DAPK2: variants seen among roughly 807,000 people sequenced by gnomAD.
DAPK2 encodes the protein death-associated protein kinase 2.
DAPK2 carries 35 observed loss-of-function variants against 44.1 expected under a neutral mutation model. That is an observed-to-expected ratio of 0.79 (90% CI 0.61 to 1.05). DAPK2 has a LOEUF of 1.05. Among genes scored for constraint, DAPK2 ranks in the 50% least tolerant of loss-of-function variants. The pLI, the probability that DAPK2 is intolerant of heterozygous loss-of-function variation, is 0.00. For synonymous variants in DAPK2, 174 were observed against 182.6 expected, an observed-to-expected ratio of 0.95 and a Z score of 0.38; for missense variants, 453 against 483.2, an observed-to-expected ratio of 0.94 and a Z score of 0.59.
At chr15:63,968,619 T>C (rs1410973407) in intron 3 of DAPK2, among the ~76,000 whole-genome samples, 1 of 152,234 alleles carries the variant, frequency 6.6e-6, no homozygotes, top group African/African-American at 2.4e-5. Flanking sequence ...CAGCTACTAT[T>C]ACCGAGCACC....
In DAPK2 at chr15:63,930,341, G is replaced by A. The variant is rs898329404; in HGVS notation, c.632+66C>T. ...CATGGTTAAGCGGATGTCACCTGGA[G>A]CAGGATCTGAGGCCTTCCGCCCTTG... On this transcript the variant is annotated intron_variant, in intron 5 of 10. Coordinates refer to ENST00000261891, the Ensembl canonical transcript of DAPK2. 3.4e-6 allele frequency: 5 copies of A among 1,455,442 alleles called. No individual in the cohort carries two copies. The African/African-American group carries it at 7.0e-5, about 20-fold the overall frequency. 90.2% of individuals were successfully genotyped at this position (1,455,442 alleles called of 1,614,324 possible). A position where few individuals can be genotyped will look rare whatever the true frequency, so the allele number is the denominator to read the frequency against.
chr15:64,014,842 C>T (rs1272652028), intron 1 of DAPK2, among the ~76,000 whole-genome samples: 3 of 151,506 alleles, frequency 2.0e-5, no homozygotes, highest in African/African-American at 4.9e-5. Flanking sequence ...ATCACTTGAA[C>T]CTGGGAGGTG....
chr15:63,971,289 T>C lies in DAPK2; in HGVS notation c.453+134A>G, dbSNP rs899248498. The C allele has an allele frequency of 5.3e-6, 6 of 1,124,520 alleles. No individual in the cohort carries two copies. In the African/African-American group the frequency reaches 7.8e-5, roughly 15 times the overall value. The allele number at this position is 1,124,520 out of a possible 1,614,324, so 69.7% of individuals were successfully genotyped here. A position where few individuals can be genotyped will look rare whatever the true frequency, so the allele number is the denominator to read the frequency against. On this transcript the variant is annotated intron_variant, in intron 3 of 10. Coordinates refer to ENST00000261891, the Ensembl canonical transcript of DAPK2. ...CATTTCCGTGGCATCATCTTTCCCA[T>C]GAGCTCAGGGTTTTTCACTGTAAGA...
intron 1 of DAPK2, among the ~76,000 whole-genome samples, chr15:64,034,364 T>C (rs916461916): frequency 6.6e-6 from 1 of 152,190 alleles, no homozygotes; most frequent in Non-Finnish European, 1.5e-5. Context: ...CCTGCCCCCA[T>C]CAACATGGCT....
intron 7 of DAPK2, 71 bp downstream of exon 8, chr15:63,925,870 G>T: frequency 1.3e-6 from 2 of 1,591,424 alleles, no homozygotes; most frequent in Non-Finnish European, 1.7e-6. Context: ...GGGACATACT[G>T]ACAGGTCTTT....
chr15:63,967,455 G>A (rs2078086438), intron 3 of DAPK2, among the ~76,000 whole-genome samples: 1 of 152,180 alleles, frequency 6.6e-6, no homozygotes, highest in African/African-American at 2.4e-5. Context: ...GGAGACCAAG[G>A]TGGGTGGTGG....
intron 4 of DAPK2, among the ~76,000 whole-genome samples, chr15:63,934,456 C>T (rs1162018290): frequency 1.3e-5 from 2 of 151,962 alleles, no homozygotes; most frequent in African/African-American, 4.8e-5. Context: ...GGGGTTTCAC[C>T]ACGTTGGCCA....
intron 3 of DAPK2, among the ~76,000 whole-genome samples, chr15:63,963,907 ACTGT>A (rs563693744): frequency 7.2e-5 from 11 of 152,126 alleles, no homozygotes; most frequent in Non-Finnish European, 1.5e-4. Context: ...ATCTTATTGT[ACTGT>A]CTGTCTTGAA....
intron 1 of DAPK2, among the ~76,000 whole-genome samples, chr15:64,014,326 G>C (rs1595892099): frequency 6.6e-6 from 1 of 152,206 alleles, no homozygotes; most frequent in Admixed American, 6.5e-5. Context: ...AGAGACCTGA[G>C]AGCTGTTGGG....
chr15:63,923,415 G>T lies in DAPK2; in HGVS notation c.858+1401C>A. 2 of 1,486,110 alleles carry T rather than the reference G, an allele frequency of 1.3e-6. No individual in the cohort carries two copies. The highest frequency in any genetic ancestry group is 1.8e-6 in the Non-Finnish European group (2 of 1,121,310). The allele number at this position is 1,486,110 out of a possible 1,614,324, so 92.1% of individuals were successfully genotyped here. On this transcript the variant is annotated intron_variant, in intron 8 of 10. Coordinates refer to ENST00000261891, the Ensembl canonical transcript of DAPK2. This position sits in a 1 kb window ranked among gnomAD's most constrained non-coding sequence, Gnocchi z 4.2. ...ACCCCAGAGGGCAGTCCAAAGGGTA[G>T]GCAGAAGGCACACAAGCGGCCTCTG...
intron 8 of DAPK2, chr15:63,922,273 T>G: frequency 3.0e-6 from 3 of 990,214 alleles, no homozygotes; most frequent in South Asian, 9.2e-5. Flanking sequence ...TATTATTTTC[T>G]CTATGCATTG....
intron 1 of DAPK2, among the ~76,000 whole-genome samples, chr15:64,038,549 C>T (rs565363311): frequency 1.3e-5 from 2 of 152,302 alleles, no homozygotes; most frequent in African/African-American, 4.8e-5. Context: ...CCTCTGGGGT[C>T]TCTGCAGTTA....
At position 64,014,232 on chromosome 15, in the gene DAPK2, G is replaced by A. The variant is rs563831694; in HGVS notation, c.92+25938C>T. Among the ~76,000 whole-genome samples the A allele has an allele frequency of 2.6e-5, 4 of 152,336 alleles. No individual in the cohort carries two copies. In the South Asian group the frequency reaches 8.3e-4, roughly 32 times the overall value. ...GCAGCACTGCTGGGACCAGGATCAG[G>A]GAATGGGATCTCTGACCCTACCTTG... On this transcript the variant is annotated intron_variant, in intron 1 of 10. Coordinates refer to ENST00000261891, the Ensembl canonical transcript of DAPK2.
chr15:63,987,077 T>C (rs2078687091), intron 1 of DAPK2, among the ~76,000 whole-genome samples: 1 of 152,214 alleles, frequency 6.6e-6, no homozygotes, highest in Admixed American at 6.5e-5. Context: ...TGCTGTGTTA[T>C]GAATATGCAA....
intron 3 of DAPK2, among the ~76,000 whole-genome samples, chr15:63,947,609 T>C (rs558250739): frequency 2.2e-4 from 34 of 152,342 alleles, no homozygotes; most frequent in African/African-American, 8.2e-4. Context: ...CATAGGTTTC[T>C]CACCTATAAA....
intron 3 of DAPK2, among the ~76,000 whole-genome samples, chr15:63,953,130 C>G (rs763724471): frequency 6.6e-5 from 10 of 151,840 alleles, no homozygotes; most frequent in Non-Finnish European, 1.0e-4. Flanking sequence ...TACCTCACCC[C>G]CCTCCCACCC....
At chr15:64,021,694 T>C (rs992014414) in intron 1 of DAPK2, among the ~76,000 whole-genome samples, 10 of 152,124 alleles carry the variant, frequency 6.6e-5, no homozygotes, top group Admixed American at 2.0e-4. Context: ...GAGGCACAGA[T>C]ACTAAGGGCT....
rs76408278 is a variant in DAPK2, at chr15:63,994,371, T to A, written c.93-10617A>T. 4.4e-3 allele frequency among the ~76,000 whole-genome samples: 664 copies of A among 151,170 alleles called. 3 individuals are homozygous for A. The highest frequency in any genetic ancestry group is 6.9e-3 in the Non-Finnish European group (467 of 67,812). On this transcript the variant is annotated intron_variant, in intron 1 of 10. Coordinates refer to ENST00000261891, the Ensembl canonical transcript of DAPK2. ...AGACTCACTTACAAATAAAACATTC[T>A]TGATTGTTTTTGATTAGAAAAAGAA... is the stretch of plus-strand genomic sequence containing the variant.
intron 1 of DAPK2, among the ~76,000 whole-genome samples, chr15:64,036,273 A>ATGTGTGTG (rs1214937871): frequency 2.3e-5 from 1 of 44,004 alleles, no homozygotes; most frequent in Non-Finnish European, 5.4e-5. Context: ...ATATATATAT[A>ATGTGTGTG]TGTGTGTGTG....
Sources: gnomAD v4.1 joint callset for allele counts (sites outside exome capture counted in the v4.1 genomes callset) on GRCh38, gnomAD v4.1.1 for gene constraint, Gnocchi (gnomAD v3.1) non-coding constraint, MANE v1.5 for transcripts, NCBI Gene and HGNC (gene_info 2026-07-23, HGNC 2026-07-21) for gene names.